The following MALRD1 variants were observed in gnomAD, a reference collection of about 807,000 sequenced individuals.
MALRD1 encodes MAM and LDL-receptor class A domain-containing protein 1.
MALRD1 carries 247 observed loss-of-function variants against 242.1 expected under a neutral mutation model. The observed-to-expected ratio is 1.02, with a 90% CI of 0.92 to 1.13. The LOEUF (loss-of-function observed/expected upper bound fraction) is 1.13, where lower values mean the gene tolerates loss of function less well. Among genes scored for constraint, MALRD1 ranks in the 50% most tolerant of loss-of-function variants. The probability of loss-of-function intolerance (pLI) is 0.00; values close to 1 mark genes in which losing one functional copy is unlikely to be tolerated. For synonymous variants in MALRD1, 995 were observed against 866.6 expected (o/e 1.15, Z -2.60); for missense variants, 2,989 against 2,533.1 (o/e 1.18, Z -3.86).
chr10:19,155,280 T>C (rs1388866800), intron 12 of MALRD1, 108 bp downstream of exon 12: 1 of 488,570 alleles, frequency 2.0e-6, no homozygotes, highest in East Asian at 3.6e-5. Flanking sequence ...ACTTTAATGA[T>C]GAATTAAGAG....
chr10:19,595,372 G>A lies in MALRD1; in HGVS notation c.5859G>A (p.Pro1953=), dbSNP rs1348225609. ...CACTCTGTAGTAACATGGAGTTCCC[G>A]TGCTCTACAGACGAGTGTATACCTT... ...TPPLCSNMEF[P]CSTDECIPSL... Residue 1953 remains proline, a synonymous_variant, in exon 34 of 40, where the codon CCG becomes CCA. Transcript: ENST00000454679. 38 of 1,550,284 alleles carry A rather than the reference G, an allele frequency of 2.5e-5. No individual in the cohort carries two copies. The East Asian group carries it at 4.2e-4, about 17-fold the overall frequency.
chr10:19,506,860 A>G (rs1170405990), intron 31 of MALRD1, among the ~76,000 whole-genome samples: 1 of 152,156 alleles, frequency 6.6e-6, no homozygotes, highest in Non-Finnish European at 1.5e-5. Context: ...GACCATGTGT[A>G]TTAGGCCATC....
intron 18 of MALRD1, among the ~76,000 whole-genome samples, chr10:19,252,666 A>C (rs1839346169): frequency 1.3e-5 from 2 of 152,152 alleles, no homozygotes; most frequent in South Asian, 4.1e-4. Context: ...TGTTATTATT[A>C]TCCATTCCTT....
At chr10:19,271,990 A>T (rs965060756) in intron 19 of MALRD1, among the ~76,000 whole-genome samples, 1 of 152,284 alleles carries the variant, frequency 6.6e-6, no homozygotes, top group South Asian at 2.1e-4. Context: ...CATTTTATTC[A>T]TGTGTAATAA....
At position 19,527,437 on chromosome 10, in the gene MALRD1, T is replaced by A. The variant is rs369756423; in HGVS notation, c.5321-3757T>A. Among the ~76,000 whole-genome samples the A allele has an allele frequency of 8.7e-4, 133 of 152,312 alleles. 1 individual carries two copies. The South Asian group carries it at 0.027, about 31-fold the overall frequency. ...ACAAGATTTTAAATCGGAATTCAAT[T>A]CCTAACTTTGCAAAATTGGTTAAAT... On this transcript the variant is annotated intron_variant, in intron 31 of 39. Transcript: ENST00000454679.
chr10:19,501,890 G>A (rs1837988443), intron 31 of MALRD1, among the ~76,000 whole-genome samples: 1 of 151,492 alleles, frequency 6.6e-6, no homozygotes, highest in South Asian at 2.1e-4. Flanking sequence ...AATTAGCCAG[G>A]TGTGGTAGAG....
intron 31 of MALRD1, among the ~76,000 whole-genome samples, chr10:19,528,758 G>C (rs1488702201): frequency 2.6e-5 from 4 of 152,094 alleles, no homozygotes; most frequent in African/African-American, 4.8e-5. Context: ...AGCTTGGAAG[G>C]CATCATTCCT....
intron 28 of MALRD1, among the ~76,000 whole-genome samples, chr10:19,394,180 C>T (rs1353339759): frequency 6.6e-6 from 1 of 152,168 alleles, no homozygotes; most frequent in Non-Finnish European, 1.5e-5. Flanking sequence ...TGCTGAAAGA[C>T]CACAATTAAA....
At chr10:19,675,627 G>GA (rs1842105839) in intron 36 of MALRD1, among the ~76,000 whole-genome samples, 1 of 152,136 alleles carries the variant, frequency 6.6e-6, no homozygotes, top group Non-Finnish European at 1.5e-5. Flanking sequence ...AATTGTAAGT[G>GA]ATTATTTTAA....
chr10:19,056,154 C>G (rs533658399), intron 1 of MALRD1, among the ~76,000 whole-genome samples: 25 of 152,002 alleles, frequency 1.6e-4, no homozygotes, highest in Non-Finnish European at 2.6e-4. Flanking sequence ...TCTTTTTGCT[C>G]CAGATTGTTT....
chr10:19,165,265 A>ATATATATATATATATATATAT, intron 12 of MALRD1, among the ~76,000 whole-genome samples: 1 of 130,282 alleles, frequency 7.7e-6, no homozygotes, highest in Non-Finnish European at 1.6e-5. Context: ...ATATATATAT[A>ATATATATATATATATATATAT]TTTTGTTTTG....
At chr10:19,118,687 T>C (rs12767964) in intron 5 of MALRD1, among the ~76,000 whole-genome samples, 6,092 of 152,292 alleles carry the variant, frequency 0.04, 296 homozygotes, top group Admixed American at 0.16. Context: ...TAATGAGGCA[T>C]GTCTGGCTTC....
intron 29 of MALRD1, chr10:19,491,282 G>C: frequency 1.4e-6 from 1 of 708,206 alleles, no homozygotes; most frequent in East Asian, 4.8e-5. Context: ...CAGGCAAGGA[G>C]ATTTTCAGCA....
At chr10:19,604,783 A>C (rs976782935) in intron 34 of MALRD1, among the ~76,000 whole-genome samples, 13 of 152,168 alleles carry the variant, frequency 8.5e-5, no homozygotes, top group African/African-American at 3.1e-4. Flanking sequence ...AGGCTGTTGC[A>C]CATTTAATTG....
At chr10:19,691,170 C>A (rs991681976) in intron 36 of MALRD1, among the ~76,000 whole-genome samples, 14 of 152,116 alleles carry the variant, frequency 9.2e-5, no homozygotes, top group African/African-American at 3.4e-4. Flanking sequence ...ATACCCCAAT[C>A]TCTCACAATT....
chr10:19,719,088 A>T (rs1449427848), intron 38 of MALRD1, among the ~76,000 whole-genome samples: 1 of 149,680 alleles, frequency 6.7e-6, no homozygotes, highest in Non-Finnish European at 1.5e-5. Flanking sequence ...GCGTGAGTCC[A>T]GGAGGTCAAA....
chr10:19,544,044 G>A (rs1835099040), intron 32 of MALRD1, among the ~76,000 whole-genome samples: 1 of 151,702 alleles, frequency 6.6e-6, no homozygotes, highest in East Asian at 1.9e-4. Flanking sequence ...CACAATCTGA[G>A]CTTCTAGTTT....
In MALRD1 at chr10:19,066,307, A is replaced by C. The variant is rs189188902; in HGVS notation, c.200-412A>C. Among the ~76,000 whole-genome samples, 3 of 152,316 alleles carry C rather than the reference A, an allele frequency of 2.0e-5. No individual in the cohort carries two copies. The South Asian group carries it at 6.2e-4, about 32-fold the overall frequency. On this transcript the variant is annotated intron_variant, in intron 1 of 39. Transcript: ENST00000454679. ...AGGAATCCATAGATGCAGAGGGCCAACTGCATTTTTGTATGTATTGTATTA... is the reference window on the plus strand; with the variant it reads ...AGGAATCCATAGATGCAGAGGGCCACCTGCATTTTTGTATGTATTGTATTA...
intron 2 of MALRD1, among the ~76,000 whole-genome samples, chr10:19,086,302 T>C (rs1478779104): frequency 1.6e-4 from 24 of 152,044 alleles, no homozygotes; most frequent in Admixed American, 1.6e-3. Context: ...TTATTTCCAA[T>C]CTGGCTTTAA....
Sources: gnomAD v4.1 joint callset for allele counts (sites outside exome capture counted in the v4.1 genomes callset) on GRCh38, gnomAD v4.1.1 for gene constraint, MANE v1.5 for transcripts, NCBI Gene and HGNC (gene_info 2026-07-23, HGNC 2026-07-21) for gene names.